Variants in FHIT observed in about 807,000 individuals in gnomAD.
FHIT encodes the protein fragile histidine triad diadenosine triphosphatase.
Under a neutral mutation model 17.9 loss-of-function variants are expected in FHIT, and 19 were observed. The ratio of observed to expected loss-of-function variants is 1.06; its 90% CI spans 0.74 to 1.56. The LOEUF (loss-of-function observed/expected upper bound fraction) is 1.56, where lower values mean the gene tolerates loss of function less well. FHIT is among the 40% of genes most tolerant of loss of function. The pLI is 0.00. For synonymous variants in FHIT, 81 were observed against 69.7 expected, an observed-to-expected ratio of 1.16 and a Z score of -0.81; for missense variants, 248 against 189.2, an observed-to-expected ratio of 1.31 and a Z score of -1.82.
chr3:60,200,221 G>A (rs755752809), intron 5 of FHIT, among the ~76,000 whole-genome samples: 13 of 152,094 alleles, frequency 8.5e-5, no homozygotes, highest in African/African-American at 1.2e-4. Flanking sequence ...GCTCCCTGAC[G>A]TGCTAATGAG....
chr3:60,955,624 A>ATATATACATG (rs1559862439), intron 3 of FHIT, among the ~76,000 whole-genome samples: 4 of 16,428 alleles, frequency 2.4e-4, no homozygotes, highest in Non-Finnish European at 6.4e-4. Context: ...ATATATATAT[A>ATATATACATG]TATATATATA....
intron 8 of FHIT, among the ~76,000 whole-genome samples, chr3:59,910,555 T>C (rs190578314): frequency 2.2e-3 from 328 of 152,322 alleles, no homozygotes; most frequent in Middle Eastern, 6.8e-3. Flanking sequence ...GTCTCATCTC[T>C]CATGGCTAGG....
chr3:59,771,641 A>G (rs897219021), intron 8 of FHIT, among the ~76,000 whole-genome samples: 121 of 152,350 alleles, frequency 7.9e-4, no homozygotes, highest in African/African-American at 2.9e-3. Flanking sequence ...AAATGCTGAC[A>G]TGGAAGAACA....
chr3:60,165,830 G>A (rs1701148415), intron 5 of FHIT, among the ~76,000 whole-genome samples: 1 of 152,138 alleles, frequency 6.6e-6, no homozygotes, highest in African/African-American at 2.4e-5. Flanking sequence ...TCCCACTACT[G>A]AGAGGTGTCC....
At chr3:59,905,240 C>G (rs1169098780) in intron 8 of FHIT, among the ~76,000 whole-genome samples, 1 of 152,172 alleles carries the variant, frequency 6.6e-6, no homozygotes, top group Non-Finnish European at 1.5e-5. Context: ...ATAATTATGA[C>G]AGGGGCTTGG....
At chr3:60,055,613 G>T (rs1161239451) in intron 5 of FHIT, among the ~76,000 whole-genome samples, 1 of 152,096 alleles carries the variant, frequency 6.6e-6, no homozygotes, top group Non-Finnish European at 1.5e-5. Context: ...CATTTTCTAG[G>T]CACTGGCCAC....
intron 4 of FHIT, chr3:60,730,125 A>G (rs1577128810): frequency 2.0e-6 from 1 of 496,058 alleles, no homozygotes; most frequent in Non-Finnish European, 4.1e-6. Flanking sequence ...TTAGAACAAG[A>G]GCTTCAAAGA....
intron 3 of FHIT, among the ~76,000 whole-genome samples, chr3:60,933,061 G>A (rs896399204): frequency 1.3e-5 from 2 of 152,266 alleles, no homozygotes; most frequent in Middle Eastern, 3.4e-3. Context: ...ATTAATCAAT[G>A]AAGGGACATT....
intron 7 of FHIT, among the ~76,000 whole-genome samples, chr3:59,945,355 A>G (rs1404094587): frequency 6.6e-6 from 1 of 152,106 alleles, no homozygotes; most frequent in Non-Finnish European, 1.5e-5. Context: ...TCCTTTGCCA[A>G]CTTTTAAATA....
At chr3:60,568,527 C>T (rs925316143) in intron 4 of FHIT, among the ~76,000 whole-genome samples, 1 of 151,862 alleles carries the variant, frequency 6.6e-6, no homozygotes, top group Non-Finnish European at 1.5e-5. Flanking sequence ...TTGATGGGTG[C>T]AGCACACCAA....
At chr3:60,513,401 C>T (rs1212192548) in intron 5 of FHIT, among the ~76,000 whole-genome samples, 4 of 152,188 alleles carry the variant, frequency 2.6e-5, no homozygotes, top group African/African-American at 9.7e-5. Context: ...ATGTGTTGTA[C>T]TCTGTTTTTG....
intron 3 of FHIT, among the ~76,000 whole-genome samples, chr3:60,983,531 C>A (rs570878100): frequency 1.3e-5 from 2 of 152,186 alleles, no homozygotes; most frequent in East Asian, 3.9e-4. Context: ...AACATGGGAG[C>A]CCTGGGGGAG....
chr3:60,587,652 A>T (rs2037950181), intron 4 of FHIT, among the ~76,000 whole-genome samples: 1 of 152,038 alleles, frequency 6.6e-6, no homozygotes, highest in Non-Finnish European at 1.5e-5. Flanking sequence ...GGCCCTTAGA[A>T]GCCACGCAGT....
chr3:60,278,648 T>A (rs1707286190), intron 5 of FHIT, among the ~76,000 whole-genome samples: 1 of 151,836 alleles, frequency 6.6e-6, no homozygotes, highest in Non-Finnish European at 1.5e-5. Context: ...CACAGAAGCA[T>A]CTGGAACTTA....
chr3:60,143,245 C>T (rs1420912940), intron 5 of FHIT, among the ~76,000 whole-genome samples: 2 of 152,162 alleles, frequency 1.3e-5, no homozygotes, highest in African/African-American at 4.8e-5. Flanking sequence ...TGTATCCACA[C>T]CTGTATATGG....
intron 5 of FHIT, among the ~76,000 whole-genome samples, chr3:60,293,796 A>G (rs1247038478): frequency 6.6e-6 from 1 of 152,176 alleles, no homozygotes; most frequent in Non-Finnish European, 1.5e-5. Flanking sequence ...TGTACTTAAA[A>G]GTTTAGAAAT....
chr3:59,815,611 T>C (rs999827391), intron 8 of FHIT, among the ~76,000 whole-genome samples: 4 of 152,156 alleles, frequency 2.6e-5, no homozygotes, highest in Non-Finnish European at 4.4e-5. Context: ...TTGGAGACTA[T>C]TGTTCTAAGT....
At chr3:61,048,769 T>C (rs1490509034) in intron 2 of FHIT, among the ~76,000 whole-genome samples, 1 of 152,106 alleles carries the variant, frequency 6.6e-6, no homozygotes. Context: ...ATGTGGCACA[T>C]ATACACCATG....
chr3:60,071,018 C>A (rs1177359832), intron 5 of FHIT, among the ~76,000 whole-genome samples: 1 of 152,184 alleles, frequency 6.6e-6, no homozygotes, highest in African/African-American at 2.4e-5. Context: ...TCAAAGGTCA[C>A]ATAAACTTTA....
Sources: allele counts gnomAD v4.1 joint callset (sites outside exome capture counted in the v4.1 genomes callset), GRCh38; gene constraint gnomAD v4.1.1; transcripts MANE v1.5; gene names NCBI Gene and HGNC (gene_info 2026-07-23, HGNC 2026-07-21).